TTC34: variants seen among roughly 807,000 people sequenced by gnomAD.
TTC34 encodes the protein tetratricopeptide repeat protein 34.
Under a neutral mutation model 40.7 loss-of-function variants are expected in TTC34, and 44 were observed. The ratio of observed to expected loss-of-function variants is 1.08; its 90% CI spans 0.85 to 1.39. The LOEUF (loss-of-function observed/expected upper bound fraction) is 1.39. TTC34 is among the 40% of genes most tolerant of loss of function. The pLI is 0.00. For synonymous variants in TTC34, 422 were observed against 398.6 expected (o/e 1.06, Z -0.70); for missense variants, 884 against 838.0 (o/e 1.05, Z -0.68).
chr1:2,760,445 A>C (rs1174214241), intron 6 of TTC34, among the ~76,000 whole-genome samples: 10 of 38,868 alleles, frequency 2.6e-4, no homozygotes, highest in Admixed American at 5.9e-4. Context: ...GCATCCACAC[A>C]CCCAGGCGAG....
At chr1:2,681,579 T>A (rs78552404) in intron 6 of TTC34, among the ~76,000 whole-genome samples, 8 of 35,798 alleles carry the variant, frequency 2.2e-4, no homozygotes, top group East Asian at 6.3e-4. Flanking sequence ...TGGAGCAGCA[T>A]CCACACCCAC....
chr1:2,694,726 T>C (rs771764301), intron 6 of TTC34, among the ~76,000 whole-genome samples: 6 of 44,834 alleles, frequency 1.3e-4, no homozygotes, highest in Non-Finnish European at 2.8e-4. Flanking sequence ...GGTGAGCATC[T>C]GACATCGTGG....
intron 6 of TTC34, among the ~76,000 whole-genome samples, chr1:2,782,043 T>C (rs1302368460): frequency 6.6e-6 from 1 of 152,236 alleles, no homozygotes; most frequent in Admixed American, 6.5e-5. Flanking sequence ...GAAGTGTTCC[T>C]TCCTCTTTGA....
chr1:2,681,071 C>A (rs1323203861), intron 6 of TTC34, among the ~76,000 whole-genome samples: 1 of 65,866 alleles, frequency 1.5e-5, no homozygotes. Context: ...CACACCCAGG[C>A]GAGCATCTGA....
intron 6 of TTC34, among the ~76,000 whole-genome samples, chr1:2,753,419 C>G (rs1197763526): frequency 3.1e-4 from 20 of 64,670 alleles, no homozygotes; most frequent in African/African-American, 8.2e-4. Context: ...CCCACACCCA[C>G]AGGTGAGCAT....
exon 4 of TTC34, chr1:2,787,666 C>G: frequency 6.5e-7 from 1 of 1,549,080 alleles, no homozygotes; most frequent in Non-Finnish European, 8.7e-7. Context: ...GAATCCAGCT[C>G]CATCAGCAGT....
At chr1:2,680,199 CCTCCCGG>C (rs1557603101) in intron 6 of TTC34, among the ~76,000 whole-genome samples, 2 of 103,996 alleles carry the variant, frequency 1.9e-5, no homozygotes, top group Non-Finnish European at 4.6e-5. Flanking sequence ...GAGCATCTGA[CCTCCCGG>C]AGCAGCACCA....
At chr1:2,783,519 C>A in intron 6 of TTC34, 90 bp downstream of exon 6, 13 of 1,262,510 alleles carry the variant, frequency 1.0e-5, no homozygotes, top group Non-Finnish European at 1.3e-5. Context: ...ATGGCCTACC[C>A]GGCTCCCTCT....
At chr1:2,656,406 G>A (rs754422342) in intron 6 of TTC34, among the ~76,000 whole-genome samples, 1 of 13,436 alleles carries the variant, frequency 7.4e-5, no homozygotes, top group African/African-American at 2.7e-4. Flanking sequence ...GCATGTAACA[G>A]CACCCACACC....
intron 4 of TTC34, among the ~76,000 whole-genome samples, chr1:2,786,455 A>C (rs929565014): frequency 9.9e-5 from 15 of 152,074 alleles, no homozygotes; most frequent in Admixed American, 9.8e-4. Flanking sequence ...GGTGCAGAGG[A>C]GTAGGTAGGG....
intron 2 of TTC34, among the ~76,000 whole-genome samples, chr1:2,798,115 A>C (rs1643728891): frequency 8.2e-6 from 1 of 121,678 alleles, no homozygotes; most frequent in Admixed American, 8.6e-5. Flanking sequence ...TGAGCCCCTC[A>C]GCTCCCCAGC....
chr1:2,755,744 A>C (rs1356179835), intron 6 of TTC34, among the ~76,000 whole-genome samples: 3,830 of 16,706 alleles, frequency 0.23, 189 homozygotes, highest in Admixed American at 0.27. Flanking sequence ...GCACCCACAC[A>C]CCCAGGCGAG....
chr1:2,645,209 T>G lies in TTC34; in HGVS notation c.2497+84A>C. On this transcript the variant is annotated intron_variant, in intron 7 of 8. Transcript: ENST00000401095. This position sits in a 1 kb window ranked among gnomAD's most constrained non-coding sequence, Gnocchi z 4.7. ...TTGTGGTCCGGGTCTCTTTCTTCCA[T>G]TTTTACAGAACAGGATACAGAGGTC... is the stretch of plus-strand genomic sequence containing the variant. 7.4e-7 allele frequency: 1 copy of G among 1,354,694 alleles called. No homozygotes were observed. The highest frequency in any genetic ancestry group is 1.5e-5 in the African/African-American group (1 of 67,328). The allele number at this position is 1,354,694 out of a possible 1,614,324, so 83.9% of individuals were successfully genotyped here. A position where few individuals can be genotyped will look rare whatever the true frequency, so the allele number is the denominator to read the frequency against.
chr1:2,640,188 G>C (rs979663846), exon 9 of TTC34: 9 of 152,302 alleles, frequency 5.9e-5, no homozygotes, highest in African/African-American at 2.2e-4. Flanking sequence ...AGTCAGGCAG[G>C]GCTTGGGGGC....
chr1:2,790,641 T>C (rs1643653208), intron 2 of TTC34, among the ~76,000 whole-genome samples: 1 of 152,102 alleles, frequency 6.6e-6, no homozygotes, highest in Non-Finnish European at 1.5e-5. Context: ...GGGTTCAGAG[T>C]CACTCCCACC....
chr1:2,754,291 C>CCCT (rs1641424998), intron 6 of TTC34, among the ~76,000 whole-genome samples: 17 of 50,384 alleles, frequency 3.4e-4, no homozygotes, highest in Non-Finnish European at 3.7e-4. Flanking sequence ...TGGAACAGCA[C>CCCT]GCACACCCCC....
chr1:2,694,635 C>A (rs535124987), intron 6 of TTC34, among the ~76,000 whole-genome samples: 6 of 52,970 alleles, frequency 1.1e-4, no homozygotes, highest in East Asian at 9.5e-4. Flanking sequence ...CCACACCTCC[C>A]GGCGAGCATC....
In TTC34 at chr1:2,751,230, C is replaced by A. The variant is rs1393802306; in HGVS notation, c.2226+32379G>T. Among the ~76,000 whole-genome samples the A allele has an allele frequency of 2.9e-5, 3 of 103,688 alleles. 1 individual carries two copies. Among genetic ancestry groups the A allele is most frequent in the Non-Finnish European group, 5.6e-5 (3 of 53,522 alleles). 68.0% of individuals were successfully genotyped at this position (103,688 alleles called of 152,430 possible). ...CACCCTCAGGTGAGCATCTGACAGCCTGGAGCAGCAGGCACACCCCCAGTG... is the reference window on the plus strand; with the variant it reads ...CACCCTCAGGTGAGCATCTGACAGCATGGAGCAGCAGGCACACCCCCAGTG... On this transcript the variant is annotated intron_variant, in intron 6 of 8. Coordinates refer to ENST00000401095, the Ensembl canonical transcript of TTC34.
At chr1:2,799,428 A>C (rs984054867) in intron 2 of TTC34, among the ~76,000 whole-genome samples, 17 of 152,076 alleles carry the variant, frequency 1.1e-4, no homozygotes, top group African/African-American at 4.1e-4. Flanking sequence ...CTGTAATCCC[A>C]GTTACTCGGG....
Sources: gnomAD v4.1 joint callset for allele counts (sites outside exome capture counted in the v4.1 genomes callset) on GRCh38, gnomAD v4.1.1 for gene constraint, Gnocchi (gnomAD v3.1) non-coding constraint, MANE v1.5 for transcripts, NCBI Gene and HGNC (gene_info 2026-07-23, HGNC 2026-07-21) for gene names.